Variants in PLXNA2 observed in about 807,000 individuals in gnomAD.
PLXNA2 encodes plexin-A2.
PLXNA2 carries 91 observed loss-of-function variants against 193.5 expected under a neutral mutation model. The ratio of observed to expected loss-of-function variants is 0.47; its 90% CI spans 0.40 to 0.56. The LOEUF is 0.56. Ranked by LOEUF, PLXNA2 falls within the 20% of genes least tolerant of loss-of-function variation. The pLI is 0.00. For missense variants in PLXNA2, 1,995 were observed against 2,503.2 expected (o/e 0.80, Z 4.33); for synonymous variants, 997 against 1,027.3 (o/e 0.97, Z 0.56).
rs1391813237 is a variant in PLXNA2 at position 208,024,218 on chromosome 1, A to T, written c.*3025T>A. 6.6e-6 allele frequency: 1 copy of T among 152,212 alleles called. No homozygotes were observed. Among genetic ancestry groups the T allele is most frequent in the Non-Finnish European group, 1.5e-5 (1 of 68,058 alleles). 9.4% of individuals were successfully genotyped at this position (152,212 alleles called of 1,614,324 possible). On this transcript the variant is annotated 3_prime_UTR_variant, in exon 32 of 32. Transcript: ENST00000367033. ...TTCCCTCTCTGCCTCCCCCAAGATG[A>T]ATGGCTTCTTGTGGAGAGGAGCTGT...
intron 3 of PLXNA2, among the ~76,000 whole-genome samples, chr1:208,149,894 C>G (rs190907250): frequency 7.6e-4 from 116 of 152,246 alleles, no homozygotes; most frequent in African/African-American, 2.6e-3. Context: ...GCAACAGCAG[C>G]GGTGGCAGTC....
In PLXNA2 at chr1:208,195,580, G is replaced by C. The variant is rs1181621859; in HGVS notation, c.1371+14700C>G. ...CCTACAAATAGCTCCCCAAAGAGTG[G>C]GGAGATTCAGGCATCTGCCATTCTG... is the stretch of plus-strand genomic sequence containing the variant. On this transcript the variant is annotated intron_variant, in intron 3 of 31. Coordinates refer to ENST00000367033, the MANE Select transcript of PLXNA2 (RefSeq NM_025179.4). 2.6e-5 allele frequency among the ~76,000 whole-genome samples: 4 copies of C among 151,936 alleles called. No homozygotes were observed. The East Asian group carries it at 7.7e-4, about 29-fold the overall frequency.
At chr1:208,203,668 C>T (rs1186502372) in intron 3 of PLXNA2, among the ~76,000 whole-genome samples, 1 of 152,142 alleles carries the variant, frequency 6.6e-6, no homozygotes, top group Non-Finnish European at 1.5e-5. Context: ...GGGAGAAAGT[C>T]TAAATGCCAA....
intron 3 of PLXNA2, among the ~76,000 whole-genome samples, chr1:208,189,129 A>T (rs1023607601): frequency 6.6e-6 from 1 of 152,218 alleles, no homozygotes; most frequent in Non-Finnish European, 1.5e-5. Flanking sequence ...CATCTTGGGG[A>T]TCCCTCCAAG....
Position 208,236,369 on chromosome 1 carries a change from AG to A in PLXNA2, c.-81+7273del, listed in dbSNP as rs1671851774. Among the ~76,000 whole-genome samples, 1 of 152,162 alleles carries A rather than the reference AG, an allele frequency of 6.6e-6. No homozygotes were observed. The highest frequency in any genetic ancestry group is 1.5e-5 in the Non-Finnish European group (1 of 68,034). ...TAGCCGAGGCCTTTCACTTTTATGA[AG>A]CAGGAAACCACTTCAAAGCAGCAAC... On this transcript the variant is annotated intron_variant, in intron 1 of 31. Transcript: ENST00000367033. This position sits in a 1 kb window ranked among gnomAD's most constrained non-coding sequence, Gnocchi z 4.4.
At chr1:208,212,729 A>C (rs1043708954) in intron 2 of PLXNA2, among the ~76,000 whole-genome samples, 1 of 152,216 alleles carries the variant, frequency 6.6e-6, no homozygotes, top group Non-Finnish European at 1.5e-5. Flanking sequence ...AACCACGGGA[A>C]TTCTAGCTCC....
At chr1:208,233,494 G>T (rs1049098415) in intron 1 of PLXNA2, among the ~76,000 whole-genome samples, 1 of 152,206 alleles carries the variant, frequency 6.6e-6, no homozygotes, top group African/African-American at 2.4e-5. Context: ...CAAGGAAGCT[G>T]GGGGCCCGCA....
At position 208,178,280 on chromosome 1, in the gene PLXNA2, G is replaced by T. The variant is rs529259271; in HGVS notation, c.1371+32000C>A. Among the ~76,000 whole-genome samples, 7 of 152,328 alleles carry T rather than the reference G, an allele frequency of 4.6e-5. No individual in the cohort carries two copies. In the South Asian group the frequency reaches 1.5e-3, roughly 32 times the overall value. On this transcript the variant is annotated intron_variant, in intron 3 of 31. Transcript: ENST00000367033. Reference sequence around the variant, plus strand: ...TGAAAATTAATGTACACAATGTGCAGCCAGGTGCCTGTTCCCTACAGGGCA... The same window carrying T: ...TGAAAATTAATGTACACAATGTGCATCCAGGTGCCTGTTCCCTACAGGGCA...
intron 17 of PLXNA2, among the ~76,000 whole-genome samples, chr1:208,047,677 CCA>C (rs1665123185): frequency 6.6e-6 from 1 of 152,220 alleles, no homozygotes; most frequent in Non-Finnish European, 1.5e-5. Flanking sequence ...CCTGGCAGGT[CCA>C]CACATGTTAT....
At chr1:208,160,902 T>G (rs1178169366) in intron 3 of PLXNA2, among the ~76,000 whole-genome samples, 1 of 152,260 alleles carries the variant, frequency 6.6e-6, no homozygotes. Context: ...ATTTCTACCT[T>G]GTAGAGACAG....
At chr1:208,156,058 A>G (rs1033524993) in intron 3 of PLXNA2, among the ~76,000 whole-genome samples, 1 of 152,208 alleles carries the variant, frequency 6.6e-6, no homozygotes, top group Non-Finnish European at 1.5e-5. Context: ...ACCCTGGGGC[A>G]GCAAAATCCA....
chr1:208,121,090 C>T (rs1667794133), intron 4 of PLXNA2, among the ~76,000 whole-genome samples: 1 of 152,160 alleles, frequency 6.6e-6, no homozygotes, highest in Non-Finnish European at 1.5e-5. Context: ...ATCTAATCCT[C>T]CCTCAAGGAT....
chr1:208,056,813 G>C (rs977064849), intron 13 of PLXNA2, among the ~76,000 whole-genome samples: 3 of 152,200 alleles, frequency 2.0e-5, no homozygotes, highest in African/African-American at 7.2e-5. Context: ...TGTGGAATGA[G>C]TGGGCAGAGG....
chr1:208,122,754 A>G (rs1667844525), intron 4 of PLXNA2, among the ~76,000 whole-genome samples: 1 of 152,194 alleles, frequency 6.6e-6, no homozygotes. Flanking sequence ...GAAGAGGAAC[A>G]GAGAATAAGG....
intron 12 of PLXNA2, among the ~76,000 whole-genome samples, chr1:208,061,534 G>C (rs1665621276): frequency 6.6e-6 from 1 of 152,202 alleles, no homozygotes; most frequent in Non-Finnish European, 1.5e-5. Context: ...ATCAAAGATG[G>C]AAAGTGCACT....
At chr1:208,073,511 T>C (rs1331839639) in intron 12 of PLXNA2, among the ~76,000 whole-genome samples, 2 of 152,214 alleles carry the variant, frequency 1.3e-5, no homozygotes, top group East Asian at 3.9e-4. Context: ...GCATAGTTCA[T>C]GGCATACAGT....
At chr1:208,131,598 C>T in intron 4 of PLXNA2, among the ~76,000 whole-genome samples, 1 of 152,128 alleles carries the variant, frequency 6.6e-6, no homozygotes, top group Non-Finnish European at 1.5e-5. Context: ...ACACAGGAGG[C>T]TTTCTTGAGT....
At chr1:208,167,580 T>C (rs993514177) in intron 3 of PLXNA2, among the ~76,000 whole-genome samples, 1 of 152,166 alleles carries the variant, frequency 6.6e-6, no homozygotes, top group African/African-American at 2.4e-5. Flanking sequence ...CCTAGCGCCC[T>C]GCTCTTCTTA....
chr1:208,124,614 G>C (rs1322284921), intron 4 of PLXNA2, among the ~76,000 whole-genome samples: 1 of 148,808 alleles, frequency 6.7e-6, no homozygotes, highest in African/African-American at 2.5e-5. Flanking sequence ...GGTAGGCAGA[G>C]GTTGCAGTGA....
Sources: allele counts gnomAD v4.1 joint callset (sites outside exome capture counted in the v4.1 genomes callset), GRCh38; gene constraint gnomAD v4.1.1; non-coding constraint Gnocchi (gnomAD v3.1); transcripts MANE v1.5; gene names NCBI Gene and HGNC (gene_info 2026-07-23, HGNC 2026-07-21).